Variants in SPOCK1 observed in about 807,000 individuals in gnomAD.
The protein encoded by SPOCK1 is SPARC (osteonectin), cwcv and kazal like domains proteoglycan 1.
In SPOCK1, 23 loss-of-function variants were observed where a neutral mutation model predicts 55.3. The ratio of observed to expected loss-of-function variants is 0.42; its 90% CI spans 0.30 to 0.59. The LOEUF is 0.59. Among genes scored for constraint, SPOCK1 ranks in the 20% least tolerant of loss-of-function variants. SPOCK1 has a pLI of 0.22. For synonymous variants in SPOCK1, 226 were observed against 221.0 expected (o/e 1.02, Z -0.20); for missense variants, 499 against 552.5 (o/e 0.90, Z 0.97).
intron 2 of SPOCK1, among the ~76,000 whole-genome samples, chr5:137,330,187 T>G (rs1362043130): frequency 6.6e-6 from 1 of 152,158 alleles, no homozygotes; most frequent in Non-Finnish European, 1.5e-5. Flanking sequence ...TGCTGCCCTG[T>G]ATCTCCACTC....
At chr5:136,989,057 A>G (rs539503033) in intron 7 of SPOCK1, among the ~76,000 whole-genome samples, 1 of 152,366 alleles carries the variant, frequency 6.6e-6, no homozygotes, top group African/African-American at 2.4e-5. Flanking sequence ...TATTTTTAAA[A>G]GGATAGCAGT....
At chr5:137,251,875 G>A (rs978353733) in intron 3 of SPOCK1, among the ~76,000 whole-genome samples, 1 of 152,178 alleles carries the variant, frequency 6.6e-6, no homozygotes, top group African/African-American at 2.4e-5. Flanking sequence ...GCATTTGTCA[G>A]ATACATACTC....
intron 2 of SPOCK1, among the ~76,000 whole-genome samples, chr5:137,395,555 C>A (rs1751825611): frequency 6.6e-6 from 1 of 152,180 alleles, no homozygotes; most frequent in Admixed American, 6.5e-5. Flanking sequence ...CCTGGTGACT[C>A]ATTCCCAACT....
At chr5:137,393,848 C>T (rs544794335) in intron 2 of SPOCK1, among the ~76,000 whole-genome samples, 19 of 152,154 alleles carry the variant, frequency 1.2e-4, no homozygotes, top group Non-Finnish European at 2.4e-4. Context: ...GAATGAATGT[C>T]CATGAAAGTG....
chr5:137,351,170 G>C (rs1160409428), intron 2 of SPOCK1, among the ~76,000 whole-genome samples: 1 of 152,206 alleles, frequency 6.6e-6, no homozygotes, highest in African/African-American at 2.4e-5. Context: ...CAGAGAAGCA[G>C]CATGCTGGGT....
chr5:137,112,351 C>A, intron 5 of SPOCK1, 84 bp downstream of exon 5: 2 of 1,540,428 alleles, frequency 1.3e-6, no homozygotes, highest in East Asian at 2.3e-5. Flanking sequence ...CCACGCTTCC[C>A]AAGCCCCAGT....
At chr5:137,492,337 A>AT (rs1754199286) in intron 2 of SPOCK1, among the ~76,000 whole-genome samples, 2 of 152,240 alleles carry the variant, frequency 1.3e-5, no homozygotes, top group South Asian at 4.1e-4. Flanking sequence ...CATGAAAACT[A>AT]TGATGATGCA....
intron 3 of SPOCK1, among the ~76,000 whole-genome samples, chr5:137,197,691 T>C (rs1755329955): frequency 6.6e-6 from 1 of 152,218 alleles, no homozygotes; most frequent in Non-Finnish European, 1.5e-5. Flanking sequence ...AGACGTAATG[T>C]GGAATAGGAG....
intron 2 of SPOCK1, among the ~76,000 whole-genome samples, chr5:137,433,166 C>T (rs962211680): frequency 6.6e-6 from 1 of 152,102 alleles, no homozygotes; most frequent in Non-Finnish European, 1.5e-5. Flanking sequence ...GAGGAAAGTT[C>T]CAAAGAAGAG....
At chr5:137,291,493 C>T (rs115967877) in intron 2 of SPOCK1, among the ~76,000 whole-genome samples, 35 of 152,232 alleles carry the variant, frequency 2.3e-4, no homozygotes, top group Non-Finnish European at 4.6e-4. Context: ...CAGAACAGGC[C>T]CTGACATCAT....
intron 2 of SPOCK1, among the ~76,000 whole-genome samples, chr5:137,397,866 C>T (rs1457398279): frequency 6.6e-6 from 1 of 152,174 alleles, no homozygotes; most frequent in African/African-American, 2.4e-5. Context: ...GACACACCCA[C>T]CCTCCTGTCC....
chr5:137,066,023 T>C (rs1263061179), intron 6 of SPOCK1, among the ~76,000 whole-genome samples: 1 of 152,188 alleles, frequency 6.6e-6, no homozygotes, highest in Non-Finnish European at 1.5e-5. Context: ...CATGAGGCCC[T>C]CCCAGAAACC....
At chr5:137,256,801 C>CG (rs897766353) in intron 3 of SPOCK1, among the ~76,000 whole-genome samples, 10 of 152,062 alleles carry the variant, frequency 6.6e-5, no homozygotes, top group African/African-American at 2.4e-4. Context: ...ACCCCAAGGA[C>CG]GCATCAACCT....
At chr5:137,213,694 A>T (rs1006900466) in intron 3 of SPOCK1, among the ~76,000 whole-genome samples, 1 of 152,188 alleles carries the variant, frequency 6.6e-6, no homozygotes, top group East Asian at 1.9e-4. Context: ...CCCCATCTGT[A>T]AAATAGGGGA....
At chr5:137,420,639 G>T (rs891284073) in intron 2 of SPOCK1, among the ~76,000 whole-genome samples, 4 of 152,156 alleles carry the variant, frequency 2.6e-5, no homozygotes, top group Admixed American at 1.3e-4. Context: ...GATCAGTCGT[G>T]ATATCCCCTT....
intron 3 of SPOCK1, among the ~76,000 whole-genome samples, chr5:137,259,688 TAAAAA>T (rs61576266): frequency 7.7e-6 from 1 of 130,246 alleles, no homozygotes. Flanking sequence ...CACATGAAAG[TAAAAA>T]AAAAAAAAAA....
At chr5:137,194,638 C>T (rs1486308143) in intron 3 of SPOCK1, among the ~76,000 whole-genome samples, 1 of 152,148 alleles carries the variant, frequency 6.6e-6, no homozygotes, top group Non-Finnish European at 1.5e-5. Flanking sequence ...TCCTCCCCTC[C>T]TCCAACATCC....
chr5:137,476,034 G>GT (rs5871643), intron 2 of SPOCK1, among the ~76,000 whole-genome samples: 79 of 147,988 alleles, frequency 5.3e-4, no homozygotes, highest in African/African-American at 1.6e-3. Context: ...CAAATTATAG[G>GT]TTTTTTTTTT....
chr5:137,455,181 G>T (rs767983301), intron 2 of SPOCK1, among the ~76,000 whole-genome samples: 2 of 152,140 alleles, frequency 1.3e-5, no homozygotes, highest in Admixed American at 6.5e-5. Context: ...TTATCATTGG[G>T]ATAATATTAC....
Sources: gnomAD v4.1 joint callset for allele counts (sites outside exome capture counted in the v4.1 genomes callset) on GRCh38, gnomAD v4.1.1 for gene constraint, MANE v1.5 for transcripts, NCBI Gene and HGNC (gene_info 2026-07-23, HGNC 2026-07-21) for gene names.